Variants in PDLIM1 observed in about 807,000 individuals in gnomAD.
The protein encoded by PDLIM1 is PDZ and LIM domain protein 1.
PDLIM1 carries 25 observed loss-of-function variants against 35.2 expected under a neutral mutation model. The observed-to-expected ratio is 0.71, with a 90% confidence interval of 0.52 to 0.99. The LOEUF (loss-of-function observed/expected upper bound fraction) is 0.99. PDLIM1 is among the 50% of genes least tolerant of loss of function. The pLI is 0.00. For synonymous variants in PDLIM1, 152 were observed against 154.0 expected, an observed-to-expected ratio of 0.99 and a Z score of 0.10; for missense variants, 363 against 415.3, an observed-to-expected ratio of 0.87 and a Z score of 1.09.
intron 4 of PDLIM1, among the ~76,000 whole-genome samples, chr10:95,262,591 A>G (rs565739017): frequency 1.4e-5 from 2 of 138,368 alleles, no homozygotes; most frequent in South Asian, 5.4e-4. Context: ...TCCAGCTGCC[A>G]CCCCCACCCC....
intron 2 of PDLIM1, among the ~76,000 whole-genome samples, chr10:95,269,571 CAAA>C (rs11443591): frequency 2.3e-5 from 3 of 130,326 alleles, no homozygotes; most frequent in Non-Finnish European, 1.6e-5. Flanking sequence ...GACTCCATCC[CAAA>C]AAAAAAAAAA....
rs45534635 is a variant in PDLIM1, at chr10:95,240,804, G to A, written c.686-2119C>T. Among the ~76,000 whole-genome samples the A allele has an allele frequency of 1.7e-3, 252 of 152,310 alleles. 2 individuals carry two copies. The highest frequency in any genetic ancestry group is 3.1e-3 in the Non-Finnish European group (210 of 68,024). On this transcript the variant is annotated intron_variant, in intron 5 of 6. Coordinates refer to ENST00000329399, the MANE Select transcript of PDLIM1 (RefSeq NM_020992.4). ...AGCCTTTCTGTAGTCAGCCTGGTGC[G>A]TGTAAAATAAGCCCCTAGTAGCTAG...
intron 1 of PDLIM1, among the ~76,000 whole-genome samples, chr10:95,272,090 T>C (rs1244200019): frequency 3.3e-5 from 5 of 152,140 alleles, no homozygotes; most frequent in Non-Finnish European, 7.3e-5. Context: ...TAGTATATTA[T>C]TATATTACTG....
At chr10:95,281,502 G>A (rs147210720) in intron 1 of PDLIM1, among the ~76,000 whole-genome samples, 1 of 152,304 alleles carries the variant, frequency 6.6e-6, no homozygotes, top group African/African-American at 2.4e-5. Flanking sequence ...AGGAAGTGGA[G>A]GCTGCAGTTA....
At chr10:95,255,069 C>T (rs923400596) in intron 4 of PDLIM1, among the ~76,000 whole-genome samples, 41 of 151,966 alleles carry the variant, frequency 2.7e-4, no homozygotes, top group African/African-American at 9.4e-4. Flanking sequence ...AAAACACAAC[C>T]TACCAAGACT....
intron 3 of PDLIM1, among the ~76,000 whole-genome samples, chr10:95,266,126 G>A (rs2035414785): frequency 6.6e-6 from 1 of 151,182 alleles, no homozygotes; most frequent in Non-Finnish European, 1.5e-5. Context: ...GAACTCAGGA[G>A]GCAGAGGTTG....
intron 5 of PDLIM1, among the ~76,000 whole-genome samples, chr10:95,243,338 G>A (rs1045414259): frequency 2.0e-5 from 3 of 152,104 alleles, no homozygotes; most frequent in Non-Finnish European, 4.4e-5. Flanking sequence ...TGAACTCCAG[G>A]CAACTACAAA....
At chr10:95,272,673 T>C (rs147573129) in intron 1 of PDLIM1, among the ~76,000 whole-genome samples, 227 of 151,506 alleles carry the variant, frequency 1.5e-3, no homozygotes, top group African/African-American at 5.2e-3. Context: ...CAAAAAATAA[T>C]AATAATAATA....
chr10:95,287,305 CT>C (rs2035611461), intron 1 of PDLIM1, among the ~76,000 whole-genome samples: 1 of 152,206 alleles, frequency 6.6e-6, no homozygotes, highest in African/African-American at 2.4e-5. Flanking sequence ...CTCTTTCAAT[CT>C]TTACGACATG....
chr10:95,270,819 C>G (rs796542721), intron 2 of PDLIM1, among the ~76,000 whole-genome samples: 1 of 151,986 alleles, frequency 6.6e-6, no homozygotes, highest in African/African-American at 2.4e-5. Flanking sequence ...GACGCCATCT[C>G]AGCTCACTGC....
At chr10:95,265,536 G>C (rs560424488) in intron 3 of PDLIM1, among the ~76,000 whole-genome samples, 1 of 149,042 alleles carries the variant, frequency 6.7e-6, no homozygotes, top group Non-Finnish European at 1.5e-5. Flanking sequence ...CAGAGGTTGC[G>C]GTGAGCCGAG....
At position 95,290,540 on chromosome 10, in the gene PDLIM1, C is replaced by T. The variant is rs1025960602; in HGVS notation, c.96+280G>A. On this transcript the variant is annotated intron_variant, in intron 1 of 6. Coordinates refer to ENST00000329399, the MANE Select transcript of PDLIM1 (RefSeq NM_020992.4). This position sits in a 1 kb window ranked among gnomAD's most constrained non-coding sequence, Gnocchi z 4.7. ...GTTGACAAAGAACTAACACCCGCCC[C>T]GCCGCGCTTCCGGGGCCAAAGAACG... Among the ~76,000 whole-genome samples the T allele has an allele frequency of 3.9e-5, 6 of 152,296 alleles. No homozygotes were observed. Among genetic ancestry groups the T allele is most frequent in the Admixed American group, 2.6e-4 (4 of 15,306 alleles).
chr10:95,284,109 T>G (rs576533730), intron 1 of PDLIM1, among the ~76,000 whole-genome samples: 23 of 151,984 alleles, frequency 1.5e-4, no homozygotes, highest in Non-Finnish European at 2.6e-4. Flanking sequence ...TTATCTATTC[T>G]ATTGCTGTTA....
At chr10:95,254,603 A>T (rs2035294617) in intron 4 of PDLIM1, among the ~76,000 whole-genome samples, 1 of 152,176 alleles carries the variant, frequency 6.6e-6, no homozygotes, top group Admixed American at 6.5e-5. Context: ...AGATAATCAG[A>T]GAGGATACAG....
intron 5 of PDLIM1, among the ~76,000 whole-genome samples, chr10:95,246,066 G>A (rs2035216423): frequency 6.6e-6 from 1 of 152,168 alleles, no homozygotes; most frequent in Non-Finnish European, 1.5e-5. Context: ...ATGGGTCCAT[G>A]AGAGAGATAG....
At chr10:95,245,040 G>C (rs1174340698) in intron 5 of PDLIM1, among the ~76,000 whole-genome samples, 1 of 152,206 alleles carries the variant, frequency 6.6e-6, no homozygotes, top group Non-Finnish European at 1.5e-5. Context: ...AGAGATACAG[G>C]AGAAACTACA....
chr10:95,275,363 C>G (rs2035501903), intron 1 of PDLIM1, among the ~76,000 whole-genome samples: 1 of 152,184 alleles, frequency 6.6e-6, no homozygotes, highest in Non-Finnish European at 1.5e-5. Context: ...TTCTGTATTG[C>G]AAATCCCCTG....
rs1485333243 is a variant in PDLIM1 at position 95,250,169 on chromosome 10, C to T, written c.534-2803G>A. Among the ~76,000 whole-genome samples the T allele has an allele frequency of 6.6e-5, 10 of 152,150 alleles. No homozygotes were observed. In the East Asian group the frequency reaches 1.5e-3, roughly 23 times the overall value. ...TTGGATAAATCTTTTTTCTATTACA[C>T]TTAGGACTATTTTAAAATTGAGATC... is the stretch of plus-strand genomic sequence containing the variant. On this transcript the variant is annotated intron_variant, in intron 4 of 6. Coordinates refer to ENST00000329399, the MANE Select transcript of PDLIM1 (RefSeq NM_020992.4).
At chr10:95,240,998 T>C (rs1028969407) in intron 5 of PDLIM1, among the ~76,000 whole-genome samples, 2 of 108,782 alleles carry the variant, frequency 1.8e-5, no homozygotes, top group East Asian at 4.0e-4. Context: ...GGCCTAAGAC[T>C]GCATTTCCAA....
Sources: allele counts gnomAD v4.1 joint callset (sites outside exome capture counted in the v4.1 genomes callset), GRCh38; gene constraint gnomAD v4.1.1; non-coding constraint Gnocchi (gnomAD v3.1); transcripts MANE v1.5; gene names NCBI Gene and HGNC (gene_info 2026-07-23, HGNC 2026-07-21).